CDKAL1: variants seen among roughly 807,000 people sequenced by gnomAD.
CDKAL1 encodes the protein CDKAL1 threonylcarbamoyladenosine tRNA methylthiotransferase.
In CDKAL1, 32 loss-of-function variants were observed where a neutral mutation model predicts 68.2. That is an observed-to-expected ratio of 0.47 (90% CI 0.35 to 0.63). CDKAL1 has a LOEUF of 0.63. Ranked by LOEUF, CDKAL1 falls within the 30% of genes least tolerant of loss-of-function variation. The pLI is 0.00. For synonymous variants in CDKAL1, 234 were observed against 244.3 expected, an observed-to-expected ratio of 0.96 and a Z score of 0.39; for missense variants, 606 against 696.7, an observed-to-expected ratio of 0.87 and a Z score of 1.47.
At chr6:20,899,101 G>A (rs1761841867) in intron 9 of CDKAL1, among the ~76,000 whole-genome samples, 1 of 128,116 alleles carries the variant, frequency 7.8e-6, no homozygotes, top group African/African-American at 3.0e-5. Flanking sequence ...GTCTTGCTCT[G>A]TCGCCCAGGC....
At chr6:20,580,421 G>A (rs1293112662) in intron 4 of CDKAL1, among the ~76,000 whole-genome samples, 8 of 152,050 alleles carry the variant, frequency 5.3e-5, no homozygotes, top group African/African-American at 1.9e-4. Context: ...TCCCGTGTCT[G>A]CTTGTGACAT....
At chr6:20,560,355 G>A (rs7751682) in intron 4 of CDKAL1, among the ~76,000 whole-genome samples, 3,613 of 152,146 alleles carry the variant, frequency 0.024, 132 homozygotes, top group African/African-American at 0.076. Context: ...GCAGATACCC[G>A]TCTGCAATAT....
At chr6:21,021,733 G>A (rs567541080) in intron 11 of CDKAL1, among the ~76,000 whole-genome samples, 17 of 152,188 alleles carry the variant, frequency 1.1e-4, no homozygotes, top group South Asian at 2.1e-4. Context: ...CAGAGTTTTC[G>A]TCACCATTTG....
intron 12 of CDKAL1, among the ~76,000 whole-genome samples, chr6:21,072,549 C>T (rs1215304294): frequency 3.5e-5 from 3 of 86,514 alleles, no homozygotes; most frequent in South Asian, 4.2e-4. Flanking sequence ...AGCGAGACTC[C>T]GTCTCAAAAA....
chr6:20,882,455 T>C (rs1760872023), intron 9 of CDKAL1, among the ~76,000 whole-genome samples: 1 of 152,192 alleles, frequency 6.6e-6, no homozygotes, highest in Non-Finnish European at 1.5e-5. Flanking sequence ...AACAGATGTG[T>C]TTACTTTTCT....
At chr6:21,110,380 G>A (rs953608460) in intron 13 of CDKAL1, among the ~76,000 whole-genome samples, 13 of 152,178 alleles carry the variant, frequency 8.5e-5, no homozygotes, top group African/African-American at 3.1e-4. Context: ...TAGGGATAAA[G>A]TAACATGCAC....
intron 15 of CDKAL1, among the ~76,000 whole-genome samples, chr6:21,221,748 C>CT (rs1779546471): frequency 6.6e-6 from 1 of 152,164 alleles, no homozygotes; most frequent in East Asian, 1.9e-4. Context: ...ACTTCAAGCT[C>CT]TTAACAGTGC....
At chr6:20,549,813 G>T (rs534855641) in intron 4 of CDKAL1, among the ~76,000 whole-genome samples, 2 of 151,698 alleles carry the variant, frequency 1.3e-5, no homozygotes, top group East Asian at 3.9e-4. Flanking sequence ...CACCATGTTG[G>T]CCAGGCTAGT....
chr6:20,857,775 TA>T (rs565948304), intron 9 of CDKAL1, among the ~76,000 whole-genome samples: 45 of 152,324 alleles, frequency 3.0e-4, no homozygotes, highest in Admixed American at 2.7e-3. Context: ...TGTGAGCTAA[TA>T]AAAATCTGGG....
chr6:21,198,024 G>T lies in CDKAL1; in HGVS notation c.1303G>T (p.Gly435Cys). The T allele has an allele frequency of 6.3e-7, 1 of 1,593,176 alleles. No homozygotes were observed. The highest frequency in any genetic ancestry group is 2.2e-5 in the East Asian group (1 of 44,548). Residue 435 changes from glycine to cysteine, a missense_variant, in exon 14 of 16, where the codon GGT becomes TGT. Physicochemically the swap from Gly to Cys is radical, Grantham distance 159. Transcript: ENST00000274695. Reference sequence around the variant, plus strand: ...TTCCCTCCCCTTCTCTCCACAGATTGGTGAAAGACAACAAGTGTTAGTAAC... The same window carrying T: ...TTCCCTCCCCTTCTCTCCACAGATTTGTGAAAGACAACAAGTGTTAGTAAC... ...HSYSPYDHKIGERQQVLVTEE... is the reference protein window; with the variant it reads ...HSYSPYDHKICERQQVLVTEE...
At chr6:21,147,421 TG>T (rs1302338286) in intron 13 of CDKAL1, among the ~76,000 whole-genome samples, 1 of 152,220 alleles carries the variant, frequency 6.6e-6, no homozygotes, top group African/African-American at 2.4e-5. Context: ...GGGGCCATTC[TG>T]GACTCCGTGG....
rs573401389 is a variant in CDKAL1, at chr6:20,937,959, G to A, written c.743-17460G>A. Reference sequence around the variant, plus strand: ...CTGCCCACTAAGTTTAGCATCCATGGATGATCCTTGCCTCTGACAATTATT... The same window carrying A: ...CTGCCCACTAAGTTTAGCATCCATGAATGATCCTTGCCTCTGACAATTATT... On this transcript the variant is annotated intron_variant, in intron 9 of 15. Transcript: ENST00000274695. Among the ~76,000 whole-genome samples the A allele has an allele frequency of 5.5e-4, 84 of 151,996 alleles. 1 individual carries two copies. Among genetic ancestry groups the A allele is most frequent in the African/African-American group, 2.0e-3 (84 of 41,448 alleles).
chr6:20,856,330 A>G (rs1044923037), intron 9 of CDKAL1, among the ~76,000 whole-genome samples: 4 of 152,214 alleles, frequency 2.6e-5, no homozygotes, highest in Non-Finnish European at 4.4e-5. Flanking sequence ...AATTCCATGT[A>G]TGACTTGGAA....
At chr6:21,210,375 G>T (rs1002097501) in intron 15 of CDKAL1, among the ~76,000 whole-genome samples, 1 of 152,234 alleles carries the variant, frequency 6.6e-6, no homozygotes, top group South Asian at 2.1e-4. Flanking sequence ...TCATGATGAG[G>T]ATTAGTACCT....
chr6:21,121,739 A>G (rs1250103207), intron 13 of CDKAL1, among the ~76,000 whole-genome samples: 1 of 152,218 alleles, frequency 6.6e-6, no homozygotes, highest in Non-Finnish European at 1.5e-5. Flanking sequence ...AGTTATTAGA[A>G]TGTAAGTAGG....
chr6:20,958,437 G>A (rs753712792), intron 10 of CDKAL1, among the ~76,000 whole-genome samples: 4 of 152,148 alleles, frequency 2.6e-5, no homozygotes, highest in Admixed American at 6.5e-5. Flanking sequence ...GCTTCCCAGT[G>A]TCAAAACGGG....
intron 8 of CDKAL1, among the ~76,000 whole-genome samples, chr6:20,792,843 A>G (rs879792468): frequency 6.6e-6 from 1 of 152,226 alleles, no homozygotes; most frequent in Admixed American, 6.5e-5. Flanking sequence ...GGAGCCTTAC[A>G]GTCTAGTGTA....
chr6:20,958,851 T>A (rs1234279406), intron 10 of CDKAL1, among the ~76,000 whole-genome samples: 2 of 152,208 alleles, frequency 1.3e-5, no homozygotes, highest in Admixed American at 6.5e-5. Flanking sequence ...TCACTTCTTA[T>A]TCACCTGACT....
chr6:21,138,939 G>A lies in CDKAL1; in HGVS notation c.1299+30476G>A, dbSNP rs191922450. Among the ~76,000 whole-genome samples the A allele has an allele frequency of 2.0e-5, 3 of 152,162 alleles. No individual in the cohort carries two copies. In the East Asian group the frequency reaches 5.8e-4, roughly 29 times the overall value. On this transcript the variant is annotated intron_variant, in intron 13 of 15. Coordinates refer to ENST00000274695, the MANE Select transcript of CDKAL1 (RefSeq NM_017774.3). ...TGCCCTTCTTGCTGCTTATGGACTC[G>A]GCGACCTCGCACTGTCTCCAGTCAT...
Sources: allele counts gnomAD v4.1 joint callset (sites outside exome capture counted in the v4.1 genomes callset), GRCh38; gene constraint gnomAD v4.1.1; transcripts MANE v1.5; gene names NCBI Gene and HGNC (gene_info 2026-07-23, HGNC 2026-07-21).